Variants in ERC2 observed in about 807,000 individuals in gnomAD.
ERC2 encodes ELKS/RAB6-interacting/CAST family member 2.
In ERC2, 42 loss-of-function variants were observed where a neutral mutation model predicts 114.8. The ratio of observed to expected loss-of-function variants is 0.37; its 90% CI spans 0.29 to 0.47. The LOEUF is 0.47. Among genes scored for constraint, ERC2 ranks in the 20% least tolerant of loss-of-function variants. The probability of loss-of-function intolerance (pLI) is 0.99; values close to 1 mark genes in which losing one functional copy is unlikely to be tolerated. For missense variants in ERC2, 939 were observed against 1,150.7 expected, an observed-to-expected ratio of 0.82 and a Z score of 2.66; for synonymous variants, 454 against 425.5, an observed-to-expected ratio of 1.07 and a Z score of -0.82.
chr3:55,565,458 C>G (rs1240306756), intron 17 of ERC2, among the ~76,000 whole-genome samples: 1 of 152,096 alleles, frequency 6.6e-6, no homozygotes, highest in Non-Finnish European at 1.5e-5. Flanking sequence ...TGTCCCCTTT[C>G]TGCCCTTTGC....
chr3:56,226,444 C>A (rs779680799), intron 3 of ERC2, among the ~76,000 whole-genome samples: 4 of 152,112 alleles, frequency 2.6e-5, no homozygotes, highest in Admixed American at 2.6e-4. Flanking sequence ...AGGGAAGATA[C>A]TCAGGAGGCT....
chr3:56,274,571 G>A (rs1366645310), intron 3 of ERC2, among the ~76,000 whole-genome samples: 3 of 152,118 alleles, frequency 2.0e-5, no homozygotes, highest in Admixed American at 6.5e-5. Context: ...GTTGTTCAAA[G>A]GCCAACTATA....
intron 17 of ERC2, among the ~76,000 whole-genome samples, chr3:55,514,032 T>C (rs1241157371): frequency 3.3e-5 from 5 of 152,218 alleles, no homozygotes; most frequent in Non-Finnish European, 7.3e-5. Context: ...GTGAGAACGT[T>C]TCAGACCACG....
chr3:55,798,609 A>AAAAG (rs557541444), intron 14 of ERC2, among the ~76,000 whole-genome samples: 2 of 152,050 alleles, frequency 1.3e-5, no homozygotes, highest in African/African-American at 4.8e-5. Context: ...AAAAAAAAAA[A>AAAAG]AAAGAAAGAA....
At chr3:55,772,685 T>C (rs2068313718) in intron 14 of ERC2, among the ~76,000 whole-genome samples, 1 of 152,144 alleles carries the variant, frequency 6.6e-6, no homozygotes, top group Non-Finnish European at 1.5e-5. Context: ...TCCCTAAGCT[T>C]TTATATTCAT....
intron 6 of ERC2, among the ~76,000 whole-genome samples, chr3:56,089,682 G>A (rs949009418): frequency 6.6e-6 from 1 of 152,034 alleles, no homozygotes; most frequent in African/African-American, 2.4e-5. Flanking sequence ...ATTGGACAGT[G>A]AAGGTCTATG....
chr3:56,380,890 T>C (rs1201079002), intron 2 of ERC2, among the ~76,000 whole-genome samples: 1 of 152,238 alleles, frequency 6.6e-6, no homozygotes, highest in African/African-American at 2.4e-5. Flanking sequence ...TTATTTTAAA[T>C]GATAATTGAC....
At chr3:56,422,637 A>G (rs1451483438) in intron 2 of ERC2, among the ~76,000 whole-genome samples, 1 of 152,074 alleles carries the variant, frequency 6.6e-6, no homozygotes, top group African/African-American at 2.4e-5. Context: ...ACTCCACTCT[A>G]TCTTAGAGCT....
intron 13 of ERC2, among the ~76,000 whole-genome samples, chr3:55,892,435 A>C (rs1227519333): frequency 1.3e-5 from 2 of 152,172 alleles, no homozygotes; most frequent in African/African-American, 4.8e-5. Context: ...AGGCAAGGAG[A>C]TCACCTGAGC....
chr3:56,269,957 C>T (rs906156957), intron 3 of ERC2, among the ~76,000 whole-genome samples: 4 of 152,084 alleles, frequency 2.6e-5, no homozygotes, highest in African/African-American at 9.7e-5. Context: ...TGCATATGGA[C>T]GCTCCACATT....
intron 10 of ERC2, among the ~76,000 whole-genome samples, chr3:56,005,054 T>C (rs1228201981): frequency 6.6e-6 from 1 of 151,984 alleles, no homozygotes; most frequent in Non-Finnish European, 1.5e-5. Context: ...ATTTTAAACT[T>C]TTGAATTTAG....
chr3:55,889,729 T>C (rs923344197), intron 13 of ERC2, among the ~76,000 whole-genome samples: 30 of 152,180 alleles, frequency 2.0e-4, no homozygotes, highest in Non-Finnish European at 2.1e-4. Context: ...GAGCTGATGT[T>C]TGGCTTTCTA....
At chr3:56,351,313 T>C (rs2058544440) in intron 2 of ERC2, among the ~76,000 whole-genome samples, 1 of 152,188 alleles carries the variant, frequency 6.6e-6, no homozygotes, top group South Asian at 2.1e-4. Flanking sequence ...AACTACTAGA[T>C]GACATAAAAT....
intron 15 of ERC2, among the ~76,000 whole-genome samples, chr3:55,729,166 A>C (rs909720254): frequency 6.6e-6 from 1 of 152,194 alleles, no homozygotes; most frequent in Admixed American, 6.5e-5. Context: ...CAGATCCTGC[A>C]CAGGAGTCCT....
At position 55,959,809 on chromosome 3, in the gene ERC2, C is replaced by T. The variant is rs73086168; in HGVS notation, c.2268-9249G>A. On this transcript the variant is annotated intron_variant, in intron 12 of 17. Coordinates refer to ENST00000288221, the MANE Select transcript of ERC2 (RefSeq NM_015576.3). Reference sequence around the variant, plus strand: ...CATTAAATATGTTGTCACAGTACATCGCTCTCACTGTAGACTAGACTATAT... The same window carrying T: ...CATTAAATATGTTGTCACAGTACATTGCTCTCACTGTAGACTAGACTATAT... Among the ~76,000 whole-genome samples the T allele has an allele frequency of 8.6e-3, 1,307 of 152,288 alleles. 6 individuals are homozygous for T. The highest frequency in any genetic ancestry group is 0.014 in the Non-Finnish European group (957 of 68,024).
intron 3 of ERC2, among the ~76,000 whole-genome samples, chr3:56,203,572 A>G (rs2048528879): frequency 6.6e-6 from 1 of 152,220 alleles, no homozygotes; most frequent in Non-Finnish European, 1.5e-5. Context: ...TCCAGGTATG[A>G]GGAAAAGGCA....
intron 17 of ERC2, among the ~76,000 whole-genome samples, chr3:55,647,728 G>C (rs1306724365): frequency 6.6e-6 from 1 of 152,208 alleles, no homozygotes; most frequent in Non-Finnish European, 1.5e-5. Context: ...TGCAAATTGG[G>C]AGGTACGTCT....
chr3:55,727,134 A>G (rs1368215893), intron 15 of ERC2, among the ~76,000 whole-genome samples: 3 of 152,226 alleles, frequency 2.0e-5, no homozygotes, highest in African/African-American at 7.2e-5. Context: ...TTCAGAATTA[A>G]TTATTTTGAT....
At chr3:56,369,570 T>C (rs185776512) in intron 2 of ERC2, among the ~76,000 whole-genome samples, 1 of 152,364 alleles carries the variant, frequency 6.6e-6, no homozygotes, top group East Asian at 1.9e-4. Context: ...AGGAGACTCT[T>C]AGAGATTCGA....
Sources: gnomAD v4.1 joint callset for allele counts (sites outside exome capture counted in the v4.1 genomes callset) on GRCh38, gnomAD v4.1.1 for gene constraint, MANE v1.5 for transcripts, NCBI Gene and HGNC (gene_info 2026-07-23, HGNC 2026-07-21) for gene names.